Variants in TTK observed in about 807,000 individuals in gnomAD.
TTK encodes the protein TTK protein kinase, also known as dual specificity protein kinase TTK.
In TTK, 59 loss-of-function variants were observed where a neutral mutation model predicts 117.3. The observed-to-expected ratio is 0.50, with a 90% CI of 0.41 to 0.62. TTK has a LOEUF of 0.62. TTK is among the 20% of genes least tolerant of loss of function. TTK has a pLI of 0.00. For missense variants in TTK, 921 were observed against 989.4 expected, an observed-to-expected ratio of 0.93 and a Z score of 0.93; for synonymous variants, 302 against 325.0, an observed-to-expected ratio of 0.93 and a Z score of 0.76.
chr6:80,014,353 A>G (rs1265204212), intron 9 of TTK, 110 bp from the exon 10 acceptor site: 1 of 954,818 alleles, frequency 1.0e-6, no homozygotes, highest in East Asian at 3.1e-5. Flanking sequence ...TTATAATAGA[A>G]AATTTTATGA....
intron 14 of TTK, among the ~76,000 whole-genome samples, chr6:80,033,566 A>T (rs1409940020): frequency 6.6e-6 from 1 of 152,136 alleles, no homozygotes; most frequent in Non-Finnish European, 1.5e-5. Flanking sequence ...ACAGATAGGG[A>T]TTGAATTTAT....
intron 10 of TTK, among the ~76,000 whole-genome samples, chr6:80,019,801 C>T: frequency 6.6e-6 from 1 of 152,046 alleles, no homozygotes; most frequent in East Asian, 1.9e-4. Context: ...AGTCTTATAA[C>T]CTTGATGTCA....
intron 14 of TTK, among the ~76,000 whole-genome samples, chr6:80,034,426 A>T (rs567434113): frequency 6.6e-6 from 1 of 152,318 alleles, no homozygotes; most frequent in African/African-American, 2.4e-5. Context: ...TGCTAAATCT[A>T]GGCACAATAG....
intron 1 of TTK, among the ~76,000 whole-genome samples, chr6:80,005,622 GA>G (rs887965245): frequency 8.5e-5 from 13 of 152,254 alleles, no homozygotes; most frequent in Admixed American, 3.9e-4. Flanking sequence ...TATATTGGGG[GA>G]AAAAGTATAC....
intron 13 of TTK, among the ~76,000 whole-genome samples, chr6:80,031,152 A>G (rs756371571): frequency 2.0e-4 from 30 of 151,452 alleles, no homozygotes; most frequent in Middle Eastern, 3.4e-3. Flanking sequence ...AATGAAAAAT[A>G]TAATTTTATA....
chr6:80,014,513 T>A lies in TTK; in HGVS notation c.1035T>A (p.Ser345Arg). The change falls in exon 10 of 22, where the codon AGT becomes AGA. Residue 345 changes from serine (S) to arginine (R), a missense_variant. Coordinates refer to ENST00000369798, the MANE Select transcript of TTK (RefSeq NM_003318.5). ...AACCTCTGGTGTCAGATGAAAAGAG[T>A]TCTGAACTTATTATTACTGATTCAA... ...FKEPLVSDEK[S>R]SELIITDSIT... 1 of 1,609,954 alleles carries A rather than the reference T, an allele frequency of 6.2e-7. No homozygotes were observed.
chr6:80,035,612 A>G (rs1473794509), intron 16 of TTK, among the ~76,000 whole-genome samples, 195 bp downstream of exon 16: 2 of 152,174 alleles, frequency 1.3e-5, no homozygotes. Context: ...GATATAGGAC[A>G]TCAACTCAAG....
At chr6:80,009,312 T>C (rs1199015973) in intron 4 of TTK, among the ~76,000 whole-genome samples, 1 of 152,078 alleles carries the variant, frequency 6.6e-6, no homozygotes, top group African/African-American at 2.4e-5. Flanking sequence ...TTCCCCAGGA[T>C]TGAGCCTGGA....
At chr6:80,035,547 G>A (rs778451476) in intron 16 of TTK, 130 bp downstream of exon 16, 2 of 979,466 alleles carry the variant, frequency 2.0e-6, no homozygotes, top group East Asian at 6.0e-5. Context: ...ATAATTAGAA[G>A]TTTATTTAAA....
Position 80,022,479 on chromosome 6 carries a change from T to G in TTK, c.1257+7T>G. The G allele has an allele frequency of 6.2e-7, 1 of 1,611,356 alleles. No individual in the cohort carries two copies. Among genetic ancestry groups the G allele is most frequent in the Non-Finnish European group, 8.5e-7 (1 of 1,179,268 alleles). On this transcript the variant is annotated splice_region_variant and intron_variant, in intron 11 of 21. Coordinates refer to ENST00000369798, the MANE Select transcript of TTK (RefSeq NM_003318.5). ...CCGAAAAGTTAATACAGAGGTAACT[T>G]TTCCACTAAAGTACAATATTGCTTT...
chr6:80,037,790 A>T (rs1051146295), intron 17 of TTK, 177 bp from the exon 18 acceptor site: 2 of 277,240 alleles, frequency 7.2e-6, no homozygotes, highest in Admixed American at 5.2e-5. Flanking sequence ...ATTTGCAAGG[A>T]TATCATTGAA....
At chr6:80,009,631 T>C (rs978226534) in intron 4 of TTK, among the ~76,000 whole-genome samples, 2 of 152,066 alleles carry the variant, frequency 1.3e-5, no homozygotes, top group Admixed American at 6.6e-5. Flanking sequence ...GAGTTATCTG[T>C]AAAAAAGACG....
At chr6:80,025,850 C>G (rs1003529846) in intron 11 of TTK, among the ~76,000 whole-genome samples, 1 of 148,724 alleles carries the variant, frequency 6.7e-6, no homozygotes, top group Non-Finnish European at 1.5e-5. Context: ...AGGATGAATC[C>G]TATAGGTTCT....
chr6:80,024,569 G>A (rs948258298), intron 11 of TTK, among the ~76,000 whole-genome samples: 4 of 152,214 alleles, frequency 2.6e-5, no homozygotes, highest in African/African-American at 9.6e-5. Flanking sequence ...GAGGTGGAAA[G>A]TAGATTAGTG....
At chr6:80,038,080 T>A (rs1179329805) in intron 18 of TTK, 33 bp downstream of exon 18, 13 of 1,481,504 alleles carry the variant, frequency 8.8e-6, no homozygotes, top group South Asian at 2.4e-5. Context: ...CACAATTATC[T>A]GGCAACAGTA....
Position 80,031,467 on chromosome 6 carries a change from G to T in TTK, c.1522G>T (p.Val508Phe). Residue 508 changes from valine (V) to phenylalanine (F), a missense_variant and splice_region_variant, in exon 14 of 22, where the codon GTT becomes TTT. Val to Phe is a conservative substitution (Grantham distance 50). Transcript: ENST00000369798. ...ILATPLQNLQ[V>F]LASSSANECI... ...TTATTTATATATTTTACTTATTTAG[G>T]TTTTAGCATCTTCTTCAGCAAATGA... 6.7e-7 allele frequency: 1 copy of T among 1,493,382 alleles called. No individual in the cohort carries two copies. The highest frequency in any genetic ancestry group is 1.5e-5 in the South Asian group (1 of 66,986). The allele number at this position is 1,493,382 out of a possible 1,614,324, so 92.5% of individuals were successfully genotyped here. A position where few individuals can be genotyped will look rare whatever the true frequency, so the allele number is the denominator to read the frequency against.
intron 11 of TTK, among the ~76,000 whole-genome samples, chr6:80,022,833 A>G (rs147331386): frequency 6.6e-6 from 1 of 152,298 alleles, no homozygotes; most frequent in African/African-American, 2.4e-5. Flanking sequence ...GATTAGTTGT[A>G]TTAGAGACCA....
intron 10 of TTK, among the ~76,000 whole-genome samples, chr6:80,018,463 A>C (rs1767370265): frequency 4.5e-5 from 1 of 22,196 alleles, no homozygotes; most frequent in South Asian, 1.6e-3. Context: ...TAAAAATACA[A>C]AAAAAAAAAA....
At chr6:80,016,437 G>C (rs745315376) in intron 10 of TTK, among the ~76,000 whole-genome samples, 28 of 152,158 alleles carry the variant, frequency 1.8e-4, no homozygotes, top group Admixed American at 9.2e-4. Flanking sequence ...GTTTTAATTT[G>C]CATTTTGCAT....
Sources: gnomAD v4.1 joint callset for allele counts (sites outside exome capture counted in the v4.1 genomes callset) on GRCh38, gnomAD v4.1.1 for gene constraint, MANE v1.5 for transcripts, NCBI Gene and HGNC (gene_info 2026-07-23, HGNC 2026-07-21) for gene names.